Variants in SNTG1 observed in about 807,000 individuals in gnomAD.
SNTG1 encodes syntrophin gamma 1.
Under a neutral mutation model 74.7 loss-of-function variants are expected in SNTG1, and 39 were observed. The observed-to-expected ratio is 0.52, with a 90% CI of 0.40 to 0.68. SNTG1 has a LOEUF of 0.68. SNTG1 is among the 30% of genes least tolerant of loss of function. SNTG1 has a pLI of 0.00. For missense variants in SNTG1, 685 were observed against 609.5 expected, an observed-to-expected ratio of 1.12 and a Z score of -1.30; for synonymous variants, 254 against 217.1, an observed-to-expected ratio of 1.17 and a Z score of -1.49.
intron 1 of SNTG1, among the ~76,000 whole-genome samples, chr8:50,102,476 T>C (rs1258391380): frequency 6.9e-6 from 1 of 145,232 alleles, no homozygotes; most frequent in African/African-American, 2.6e-5. Context: ...GTCAGATGAG[T>C]AGGTTGCAAA....
intron 13 of SNTG1, among the ~76,000 whole-genome samples, chr8:50,637,185 T>C (rs1469695940): frequency 6.6e-6 from 1 of 152,178 alleles, no homozygotes; most frequent in Non-Finnish European, 1.5e-5. Context: ...GTCATTTTAA[T>C]TTACTAAAAT....
chr8:50,275,838 G>T (rs1715745546), intron 2 of SNTG1, among the ~76,000 whole-genome samples: 1 of 152,036 alleles, frequency 6.6e-6, no homozygotes, highest in Non-Finnish European at 1.5e-5. Flanking sequence ...AGATTTTAGG[G>T]TGGCATTTTG....
At chr8:50,565,013 A>G (rs2094508119) in intron 12 of SNTG1, among the ~76,000 whole-genome samples, 1 of 152,034 alleles carries the variant, frequency 6.6e-6, no homozygotes, top group African/African-American at 2.4e-5. Context: ...TCAAATTAAT[A>G]ATATGTACCC....
At chr8:50,708,061 C>T (rs2095449694) in intron 16 of SNTG1, 1 of 241,024 alleles carries the variant, frequency 4.1e-6, no homozygotes, top group Non-Finnish European at 7.9e-6. Context: ...ATTAGCCAGG[C>T]ACGGTGGCGG....
intron 2 of SNTG1, among the ~76,000 whole-genome samples, chr8:50,227,588 CAT>C (rs2085394426): frequency 6.6e-6 from 1 of 150,500 alleles, no homozygotes; most frequent in African/African-American, 2.4e-5. Flanking sequence ...AAAAAAATTT[CAT>C]CATCAGGTTG....
At chr8:50,303,270 A>T (rs1390704036) in intron 2 of SNTG1, among the ~76,000 whole-genome samples, 1 of 152,260 alleles carries the variant, frequency 6.6e-6, no homozygotes, top group African/African-American at 2.4e-5. Context: ...ACTGACTTTT[A>T]ATCACAACAT....
At chr8:50,096,284 A>C (rs2079925026) in intron 1 of SNTG1, among the ~76,000 whole-genome samples, 1 of 152,172 alleles carries the variant, frequency 6.6e-6, no homozygotes, top group Non-Finnish European at 1.5e-5. Flanking sequence ...ACAATTGTGG[A>C]AGAGTTCAGC....
chr8:50,784,378 AG>A (rs1382418702), intron 18 of SNTG1, among the ~76,000 whole-genome samples: 10 of 152,198 alleles, frequency 6.6e-5, no homozygotes, highest in Non-Finnish European at 1.5e-4. Flanking sequence ...TAATGAAAAA[AG>A]AACCCGAATA....
At chr8:50,710,508 A>C (rs924680716) in intron 17 of SNTG1, among the ~76,000 whole-genome samples, 1 of 152,182 alleles carries the variant, frequency 6.6e-6, no homozygotes, top group Non-Finnish European at 1.5e-5. Flanking sequence ...TAAAAAGAAA[A>C]CGCTATTGCC....
chr8:50,171,108 A>G (rs1291471628), intron 1 of SNTG1, among the ~76,000 whole-genome samples: 1 of 152,158 alleles, frequency 6.6e-6, no homozygotes, highest in Non-Finnish European at 1.5e-5. Context: ...GAAATCCACA[A>G]CTGCCACAAG....
intron 1 of SNTG1, among the ~76,000 whole-genome samples, chr8:50,091,009 G>C (rs951407624): frequency 6.6e-6 from 1 of 152,070 alleles, no homozygotes; most frequent in African/African-American, 2.4e-5. Flanking sequence ...GTGCTCACAA[G>C]AATCTTAATG....
At chr8:50,785,381 AC>A (rs992594392) in intron 18 of SNTG1, among the ~76,000 whole-genome samples, 10 of 151,994 alleles carry the variant, frequency 6.6e-5, no homozygotes, top group African/African-American at 2.4e-4. Context: ...AAAAAGAAAA[AC>A]GTAACTATAA....
Position 50,794,033 on chromosome 8 carries a change from T to TA in SNTG1, c.*1205dup, listed in dbSNP as rs1331501532. 2 of 151,868 alleles carry TA rather than the reference T, an allele frequency of 1.3e-5. No homozygotes were observed. Among genetic ancestry groups the TA allele is most frequent in the African/African-American group, 4.8e-5 (2 of 41,386 alleles). 9.4% of individuals were successfully genotyped at this position (151,868 alleles called of 1,614,324 possible). A position where few individuals can be genotyped will look rare whatever the true frequency, so the allele number is the denominator to read the frequency against. On this transcript the variant is annotated 3_prime_UTR_variant, in exon 19 of 19. Transcript: ENST00000642720. ...TGCAATTTACTCAGATTCCAGGTAT[T>TA]ATTCAACTAGTTGTATAACATGGAA...
At chr8:50,505,793 C>G (rs1419763353) in intron 9 of SNTG1, among the ~76,000 whole-genome samples, 4 of 152,082 alleles carry the variant, frequency 2.6e-5, no homozygotes, top group Admixed American at 6.6e-5. Context: ...TATTTTCTCC[C>G]ATTTCAAAGG....
At chr8:50,598,558 T>A (rs545634688) in intron 13 of SNTG1, among the ~76,000 whole-genome samples, 1 of 152,116 alleles carries the variant, frequency 6.6e-6, no homozygotes, top group Non-Finnish European at 1.5e-5. Context: ...CTTTGACTAC[T>A]GGGAGTCTTT....
intron 2 of SNTG1, among the ~76,000 whole-genome samples, chr8:50,366,934 A>G (rs945464082): frequency 4.7e-4 from 70 of 148,244 alleles, no homozygotes; most frequent in African/African-American, 1.6e-3. Flanking sequence ...ACTATATAAT[A>G]TATAATATAG....
chr8:50,349,443 A>G (rs1022350092), intron 2 of SNTG1, among the ~76,000 whole-genome samples: 2 of 152,128 alleles, frequency 1.3e-5, no homozygotes, highest in Non-Finnish European at 2.9e-5. Context: ...AGAGGTATAC[A>G]TGATCTATAT....
chr8:50,338,813 G>A (rs2091232902), intron 2 of SNTG1, among the ~76,000 whole-genome samples: 1 of 152,080 alleles, frequency 6.6e-6, no homozygotes, highest in South Asian at 2.1e-4. Flanking sequence ...TAACTTATGT[G>A]TAATGGGAAT....
chr8:50,560,700 C>A (rs1016382218), intron 12 of SNTG1, among the ~76,000 whole-genome samples: 1 of 152,050 alleles, frequency 6.6e-6, no homozygotes, highest in Non-Finnish European at 1.5e-5. Flanking sequence ...GGGAACAACA[C>A]ACACTGTGGC....
Sources: allele counts gnomAD v4.1 joint callset (sites outside exome capture counted in the v4.1 genomes callset), GRCh38; gene constraint gnomAD v4.1.1; transcripts MANE v1.5; gene names NCBI Gene and HGNC (gene_info 2026-07-23, HGNC 2026-07-21).